Variants in TBC1D16 observed in about 807,000 individuals in gnomAD.
TBC1D16 encodes CTD-2529O21.1.
Under a neutral mutation model 74.7 loss-of-function variants are expected in TBC1D16, and 58 were observed. The ratio of observed to expected loss-of-function variants is 0.78; its 90% CI spans 0.63 to 0.97. The LOEUF is 0.97. Among genes scored for constraint, TBC1D16 ranks in the 50% least tolerant of loss-of-function variants. TBC1D16 has a pLI of 0.00. For synonymous variants in TBC1D16, 493 were observed against 474.7 expected, an observed-to-expected ratio of 1.04 and a Z score of -0.50; for missense variants, 1,014 against 1,079.5, an observed-to-expected ratio of 0.94 and a Z score of 0.85.
At chr17:79,999,791 G>A (rs1438279454) in intron 3 of TBC1D16, among the ~76,000 whole-genome samples, 5 of 151,958 alleles carry the variant, frequency 3.3e-5, no homozygotes, top group Admixed American at 1.3e-4. Context: ...TGATCCGCCC[G>A]CCTTGGGCTC....
At chr17:79,984,584 A>G (rs117534834) in intron 3 of TBC1D16, among the ~76,000 whole-genome samples, 14,469 of 140,918 alleles carry the variant, frequency 0.1, 1,094 homozygotes, top group Non-Finnish European at 0.15. Context: ...AAGAAAGAAA[A>G]AGAAAGAAAG....
At chr17:80,031,210 T>A (rs541898830) in intron 1 of TBC1D16, among the ~76,000 whole-genome samples, 2 of 152,304 alleles carry the variant, frequency 1.3e-5, no homozygotes, top group East Asian at 3.9e-4. Flanking sequence ...TTCAGTCTCA[T>A]CAGGAGGATA....
intron 1 of TBC1D16, among the ~76,000 whole-genome samples, chr17:80,033,786 T>C (rs1238598584): frequency 6.6e-6 from 1 of 152,238 alleles, no homozygotes; most frequent in African/African-American, 2.4e-5. Flanking sequence ...TCAATGGCTT[T>C]ATCCTGAAGC....
chr17:79,941,141 G>A lies in TBC1D16; in HGVS notation c.2056-34C>T, dbSNP rs746050614. Reference sequence around the variant, plus strand: ...AGAGGACGGGGGGTGAGGAGGGGCCGGGGGACAGCCTGGCAGCCTAGGGTC... The same window carrying A: ...AGAGGACGGGGGGTGAGGAGGGGCCAGGGGACAGCCTGGCAGCCTAGGGTC... On this transcript the variant is annotated intron_variant, in intron 11 of 11. Coordinates refer to ENST00000310924, the MANE Select transcript of TBC1D16 (RefSeq NM_019020.4). This position sits in a 1 kb window ranked among gnomAD's most constrained non-coding sequence, Gnocchi z 4.3. 1.4e-5 allele frequency: 22 copies of A among 1,525,164 alleles called. No homozygotes were observed. In the East Asian group the frequency reaches 2.4e-4, roughly 17 times the overall value. 94.5% of individuals were successfully genotyped at this position (1,525,164 alleles called of 1,614,324 possible).
At chr17:80,003,268 A>T (rs1192730614) in intron 3 of TBC1D16, among the ~76,000 whole-genome samples, 1 of 152,192 alleles carries the variant, frequency 6.6e-6, no homozygotes, top group Non-Finnish European at 1.5e-5. Flanking sequence ...ACAAGTGGCC[A>T]AACTCTGAGG....
Position 79,983,871 on chromosome 17 carries a change from T to A in TBC1D16, c.779+26289A>T, listed in dbSNP as rs560812578. On this transcript the variant is annotated intron_variant, in intron 3 of 11. Transcript: ENST00000310924. The surrounding 1 kb of genome is among the most constrained non-coding windows in gnomAD (Gnocchi z 5.6). Reference sequence around the variant, plus strand: ...CAAATATGACAAAATTTAAAAAAAATTTAAATTTATTTAGAGACAGGGTCA... The same window carrying A: ...CAAATATGACAAAATTTAAAAAAAAATTAAATTTATTTAGAGACAGGGTCA... 1.7e-4 allele frequency among the ~76,000 whole-genome samples: 26 copies of A among 152,224 alleles called. No individual in the cohort carries two copies. The highest frequency in any genetic ancestry group is 4.8e-4 in the African/African-American group (20 of 41,518).
chr17:80,012,721 C>T (rs1284935321), intron 2 of TBC1D16, among the ~76,000 whole-genome samples: 1 of 152,174 alleles, frequency 6.6e-6, no homozygotes, highest in African/African-American at 2.4e-5. Flanking sequence ...GACAACTTTA[C>T]TATTTTGCCA....
chr17:79,958,881 C>T (rs111393501), intron 3 of TBC1D16, among the ~76,000 whole-genome samples: 4 of 152,216 alleles, frequency 2.6e-5, no homozygotes, highest in African/African-American at 9.6e-5. Context: ...CATGCTCTCA[C>T]AGAGGCCCTG....
In TBC1D16 at chr17:79,944,093, T is replaced by C. The variant is rs138590075; in HGVS notation, c.1908+815A>G. On this transcript the variant is annotated intron_variant, in intron 10 of 11. Coordinates refer to ENST00000310924, the MANE Select transcript of TBC1D16 (RefSeq NM_019020.4). This position sits in a 1 kb window ranked among gnomAD's most constrained non-coding sequence, Gnocchi z 7.7. ...CTCGGTGGCTTCAGACTCGCTTTCA[T>C]CAGACATCAGCCCCCTGCGGTGTGA... 2.3e-5 allele frequency: 36 copies of C among 1,535,932 alleles called. 1 individual carries two copies. The African/African-American group carries it at 4.5e-4, about 19-fold the overall frequency.
chr17:79,968,170 T>G (rs2033917938), intron 3 of TBC1D16, among the ~76,000 whole-genome samples: 1 of 152,174 alleles, frequency 6.6e-6, no homozygotes, highest in Non-Finnish European at 1.5e-5. Flanking sequence ...TTTTTGTATT[T>G]TTTGGTAGAG....
At chr17:79,965,905 A>G (rs2033821669) in intron 3 of TBC1D16, among the ~76,000 whole-genome samples, 1 of 152,112 alleles carries the variant, frequency 6.6e-6, no homozygotes, top group African/African-American at 2.4e-5. Context: ...CGCCCCACAC[A>G]TTGGCCTGGT....
chr17:79,942,657 T>C (rs117666226), intron 10 of TBC1D16, among the ~76,000 whole-genome samples: 1 of 152,260 alleles, frequency 6.6e-6, no homozygotes, highest in African/African-American at 2.4e-5. Flanking sequence ...CAGCGGGTCA[T>C]GGAATGCGCC....
intron 3 of TBC1D16, among the ~76,000 whole-genome samples, chr17:80,004,350 C>T (rs2035597938): frequency 6.6e-6 from 1 of 152,192 alleles, no homozygotes; most frequent in African/African-American, 2.4e-5. Flanking sequence ...TCTAAATTTC[C>T]ACACTGCAAC....
chr17:79,960,779 C>CAAAAAAAAAAAAAAAAA (rs746450905), intron 3 of TBC1D16, among the ~76,000 whole-genome samples: 1,557 of 33,826 alleles, frequency 0.046, 434 homozygotes, highest in Non-Finnish European at 0.056. Flanking sequence ...AACAAAAACC[C>CAAAAAAAAAAAAAAAAA]AAAAAAAAAA....
chr17:79,999,763 C>T (rs1018368876), intron 3 of TBC1D16, among the ~76,000 whole-genome samples: 5 of 152,074 alleles, frequency 3.3e-5, no homozygotes, highest in South Asian at 4.2e-4. Context: ...AGGCTGGTCT[C>T]GAACTCCTGA....
intron 7 of TBC1D16, 120 bp downstream of exon 7, chr17:79,949,597 G>C: frequency 7.6e-7 from 1 of 1,321,112 alleles, no homozygotes; most frequent in Non-Finnish European, 1.0e-6. Flanking sequence ...ACCCATTTTT[G>C]AAAGAAACTA....
At position 79,961,424 on chromosome 17, in the gene TBC1D16, G is replaced by A. The variant is rs983946731; in HGVS notation, c.780-8606C>T. ...GAATGCAACACGGCAAACCACTTTAGGAAAGCAGTTCAGTAATTTCTTAAA... is the reference window on the plus strand; with the variant it reads ...GAATGCAACACGGCAAACCACTTTAAGAAAGCAGTTCAGTAATTTCTTAAA... On this transcript the variant is annotated intron_variant, in intron 3 of 11. Transcript: ENST00000310924. The surrounding 1 kb of genome is among the most constrained non-coding windows in gnomAD (Gnocchi z 4.8). 2.0e-5 allele frequency among the ~76,000 whole-genome samples: 3 copies of A among 152,190 alleles called. No individual in the cohort carries two copies. Among genetic ancestry groups the A allele is most frequent in the Non-Finnish European group, 2.9e-5 (2 of 68,036 alleles).
chr17:79,972,884 C>T (rs950810374), intron 3 of TBC1D16, among the ~76,000 whole-genome samples: 1 of 151,872 alleles, frequency 6.6e-6, no homozygotes, highest in Non-Finnish European at 1.5e-5. Context: ...GAGTTCGGGA[C>T]CAGCCTGGGT....
chr17:79,992,001 C>CA (rs2035081930), intron 3 of TBC1D16: 1 of 152,282 alleles, frequency 6.6e-6, no homozygotes, highest in Non-Finnish European at 1.5e-5. Context: ...GTGGCCCCCC[C>CA]ATCCTCGCCG....
Sources: gnomAD v4.1 joint callset for allele counts (sites outside exome capture counted in the v4.1 genomes callset) on GRCh38, gnomAD v4.1.1 for gene constraint, Gnocchi (gnomAD v3.1) non-coding constraint, MANE v1.5 for transcripts, NCBI Gene and HGNC (gene_info 2026-07-23, HGNC 2026-07-21) for gene names.